DENND1A: variants seen among roughly 807,000 people sequenced by gnomAD.
DENND1A encodes DENN domain-containing protein 1A.
DENND1A carries 51 observed loss-of-function variants against 113.7 expected under a neutral mutation model. That is an observed-to-expected ratio of 0.45 (90% CI 0.36 to 0.57). The LOEUF is 0.57. Ranked by LOEUF, DENND1A falls within the 20% of genes least tolerant of loss-of-function variation. The probability of loss-of-function intolerance (pLI) is 0.00; values close to 1 mark genes in which losing one functional copy is unlikely to be tolerated. For synonymous variants in DENND1A, 565 were observed against 570.8 expected, an observed-to-expected ratio of 0.99 and a Z score of 0.14; for missense variants, 1,258 against 1,395.9, an observed-to-expected ratio of 0.90 and a Z score of 1.57.
At position 123,457,390 on chromosome 9, in the gene DENND1A, T is replaced by C. The variant is rs2048203599; in HGVS notation, c.1144A>G (p.Ser382Gly). ...TTGATTTCCTCTTCAAAAACATCAC[T>C]GAAACCTTCGCCGGAATTGAGAAGA... ...LDLLNSGEGF[S>G]DVFEEEINMG... Residue 382 changes from serine to glycine, a missense_variant, in exon 15 of 24, where the codon AGT (serine) becomes GGT (glycine). Ser to Gly is a moderately conservative substitution (Grantham distance 56). This residue lies in a region of DENND1A where 1,159 missense variants were observed against 1,231.7 expected (regional missense o/e 0.94). Transcript: ENST00000394215. 5.6e-6 allele frequency: 9 copies of C among 1,614,064 alleles called. No homozygotes were observed. Among genetic ancestry groups the C allele is most frequent in the Non-Finnish European group, 7.6e-6 (9 of 1,179,988 alleles).
At chr9:123,920,806 C>A (rs987023325) in intron 1 of DENND1A, among the ~76,000 whole-genome samples, 2 of 151,658 alleles carry the variant, frequency 1.3e-5, no homozygotes, top group African/African-American at 2.4e-5. Context: ...CTCCTGACTT[C>A]AAATGATCTG....
chr9:123,883,372 C>T (rs1217467125), intron 1 of DENND1A, among the ~76,000 whole-genome samples: 2 of 152,188 alleles, frequency 1.3e-5, no homozygotes, highest in African/African-American at 4.8e-5. Flanking sequence ...AGTTGCCTTC[C>T]TGAGGTCTAA....
At chr9:123,654,056 A>T (rs948071199) in intron 8 of DENND1A, among the ~76,000 whole-genome samples, 5 of 152,120 alleles carry the variant, frequency 3.3e-5, no homozygotes, top group African/African-American at 9.7e-5. Flanking sequence ...CTCAGTGAAA[A>T]ACAAAACAGC....
At chr9:123,786,754 T>C (rs1832242283) in intron 3 of DENND1A, among the ~76,000 whole-genome samples, 1 of 152,184 alleles carries the variant, frequency 6.6e-6, no homozygotes, top group African/African-American at 2.4e-5. Context: ...ATTTGACCCT[T>C]ATATAAGTCC....
intron 2 of DENND1A, among the ~76,000 whole-genome samples, chr9:123,851,419 T>C (rs1843344267): frequency 6.6e-6 from 1 of 152,216 alleles, no homozygotes. Context: ...TACTCCTTTC[T>C]AGCCTCTCCA....
intron 2 of DENND1A, among the ~76,000 whole-genome samples, chr9:123,829,236 T>G (rs1342175558): frequency 1.3e-5 from 2 of 152,100 alleles, no homozygotes; most frequent in Non-Finnish European, 2.9e-5. Flanking sequence ...CTAGAGACAA[T>G]GAAGGCATGA....
In DENND1A at chr9:123,381,423, G is replaced by C. The variant is rs753594548; in HGVS notation, c.*9C>G. 1.1e-5 allele frequency: 18 copies of C among 1,612,324 alleles called. No individual in the cohort carries two copies. Among genetic ancestry groups the C allele is most frequent in the South Asian group, 7.7e-5 (7 of 91,030 alleles). On this transcript the variant is annotated 3_prime_UTR_variant, in exon 24 of 24. Transcript: ENST00000394215. This position sits in a 1 kb window ranked among gnomAD's most constrained non-coding sequence, Gnocchi z 4.7. Reference sequence around the variant, plus strand: ...GGCCTCGGTGCATCCCCCACCCTCAGGGCCCGGCTCACTCGAAGGTCTCCC... The same window carrying C: ...GGCCTCGGTGCATCCCCCACCCTCACGGCCCGGCTCACTCGAAGGTCTCCC...
Position 123,553,397 on chromosome 9 carries a change from G to GCC in DENND1A, c.993+4171_993+4172dup, listed in dbSNP as rs1283056085. On this transcript the variant is annotated intron_variant, in intron 13 of 23. Transcript: ENST00000394215. The stretch of plus-strand genomic sequence containing the variant: ...GGCCTGGACATTTGCCTTTTTAAAA[G>GCC]CCGCCCCCCCCCCGCTCCTCATCCC... 2.2e-3 allele frequency among the ~76,000 whole-genome samples: 311 copies of GCC among 140,120 alleles called. 19 individuals are homozygous for GCC. The highest frequency in any genetic ancestry group is 2.8e-3 in the Non-Finnish European group (180 of 63,622). The allele number at this position is 140,120 out of a possible 152,430, so 91.9% of individuals were successfully genotyped here. A position where few individuals can be genotyped will look rare whatever the true frequency, so the allele number is the denominator to read the frequency against.
At chr9:123,421,733 A>AGAG (rs1194577261) in intron 19 of DENND1A, among the ~76,000 whole-genome samples, 1 of 152,170 alleles carries the variant, frequency 6.6e-6, no homozygotes, top group Admixed American at 6.5e-5. Context: ...AGAGGTCCAG[A>AGAG]GAGGAGTGCA....
chr9:123,451,530 T>C (rs1191707809), intron 17 of DENND1A, among the ~76,000 whole-genome samples: 1 of 152,124 alleles, frequency 6.6e-6, no homozygotes, highest in Admixed American at 6.5e-5. Flanking sequence ...AGAGAGATGA[T>C]GAAGAATTTG....
intron 11 of DENND1A, among the ~76,000 whole-genome samples, chr9:123,591,657 C>A (rs1319602958): frequency 6.6e-6 from 1 of 152,168 alleles, no homozygotes; most frequent in African/African-American, 2.4e-5. Context: ...CAGTGTCCAG[C>A]ACAGTGCCTG....
chr9:123,886,765 A>G (rs1849160201), intron 1 of DENND1A, among the ~76,000 whole-genome samples: 1 of 152,212 alleles, frequency 6.6e-6, no homozygotes. Flanking sequence ...TAACAAGTTA[A>G]CACCTCCATA....
At chr9:123,851,771 C>A (rs1316665578) in intron 2 of DENND1A, among the ~76,000 whole-genome samples, 1 of 152,236 alleles carries the variant, frequency 6.6e-6, no homozygotes, top group Non-Finnish European at 1.5e-5. Flanking sequence ...GGGAGAAACA[C>A]AGCTAGCCTG....
chr9:123,551,898 C>T (rs1027546274), intron 13 of DENND1A, among the ~76,000 whole-genome samples: 1 of 150,940 alleles, frequency 6.6e-6, no homozygotes, highest in Admixed American at 6.6e-5. Flanking sequence ...CGGTCCCCTT[C>T]CTTCTTCCTT....
chr9:123,478,842 G>A (rs140867755), intron 13 of DENND1A, among the ~76,000 whole-genome samples: 37 of 152,332 alleles, frequency 2.4e-4, no homozygotes, highest in African/African-American at 8.9e-4. Flanking sequence ...GAACCTCAAG[G>A]GATGCGAGTG....
chr9:123,730,877 C>T (rs2068111560), intron 5 of DENND1A, among the ~76,000 whole-genome samples: 1 of 152,120 alleles, frequency 6.6e-6, no homozygotes, highest in Non-Finnish European at 1.5e-5. Flanking sequence ...GAATGATAGA[C>T]TGGATAAAGA....
intron 2 of DENND1A, among the ~76,000 whole-genome samples, chr9:123,853,177 C>A (rs1843634438): frequency 6.6e-6 from 1 of 151,424 alleles, no homozygotes; most frequent in Non-Finnish European, 1.5e-5. Flanking sequence ...CTCAGCCTCC[C>A]AAAGTGCTGG....
Position 123,460,480 on chromosome 9 carries a change from C to G in DENND1A, c.994-2583G>C, listed in dbSNP as rs554984536. 3.9e-5 allele frequency among the ~76,000 whole-genome samples: 6 copies of G among 152,376 alleles called. No individual in the cohort carries two copies. In the East Asian group the frequency reaches 1.2e-3, roughly 29 times the overall value. On this transcript the variant is annotated intron_variant, in intron 13 of 23. Coordinates refer to ENST00000394215, the MANE Select transcript of DENND1A (RefSeq NM_001352964.2). Reference sequence around the variant, plus strand: ...TATACCCATCCATCTCAACCTCCACCTGATGGCCTGCTGGCGTCTCAAACT... The same window carrying G: ...TATACCCATCCATCTCAACCTCCACGTGATGGCCTGCTGGCGTCTCAAACT...
intron 5 of DENND1A, among the ~76,000 whole-genome samples, chr9:123,755,370 C>A (rs2070444834): frequency 6.6e-6 from 1 of 151,880 alleles, no homozygotes; most frequent in Admixed American, 6.6e-5. Context: ...TCTTGAACTC[C>A]TGACCTCAGG....
Sources: allele counts gnomAD v4.1 joint callset (sites outside exome capture counted in the v4.1 genomes callset), GRCh38; gene constraint gnomAD v4.1.1; regional missense constraint gnomAD v4.1.1; non-coding constraint Gnocchi (gnomAD v3.1); transcripts MANE v1.5; gene names NCBI Gene and HGNC (gene_info 2026-07-23, HGNC 2026-07-21).